IGSF3: variants seen among roughly 807,000 people sequenced by gnomAD.
IGSF3 encodes the protein glu-Trp-Ile EWI motif-containing protein 3.
IGSF3 carries 23 observed loss-of-function variants against 114.4 expected under a neutral mutation model. That is an observed-to-expected ratio of 0.20 (90% CI 0.14 to 0.28). IGSF3 has a LOEUF of 0.28. IGSF3 is among the 10% of genes least tolerant of loss of function. The pLI is 1.00. For synonymous variants in IGSF3, 571 were observed against 645.2 expected, an observed-to-expected ratio of 0.88 and a Z score of 1.74; for missense variants, 1,172 against 1,591.5, an observed-to-expected ratio of 0.74 and a Z score of 4.48.
rs374631608 is a variant in IGSF3 at position 116,598,471 on chromosome 1, G to A, written c.2029+1470C>T. On this transcript the variant is annotated intron_variant, in intron 7 of 10. Transcript: ENST00000369486. The surrounding 1 kb of genome is among the most constrained non-coding windows in gnomAD (Gnocchi z 4.3). Reference sequence around the variant, plus strand: ...TGTCATTGGCCAAGGGAACAGTCTCGTCATTTATACAACTCACTTGTTCCA... The same window carrying A: ...TGTCATTGGCCAAGGGAACAGTCTCATCATTTATACAACTCACTTGTTCCA... Among the ~76,000 whole-genome samples the A allele has an allele frequency of 9.9e-4, 151 of 152,284 alleles. No individual in the cohort carries two copies. Among genetic ancestry groups the A allele is most frequent in the Non-Finnish European group, 1.8e-3 (123 of 68,040 alleles).
rs575245619 is a variant in IGSF3, at chr1:116,594,993, C to G, written c.2029+4948G>C. Among the ~76,000 whole-genome samples the G allele has an allele frequency of 6.6e-6, 1 of 152,248 alleles. No individual in the cohort carries two copies. The highest frequency in any genetic ancestry group is 2.4e-5 in the African/African-American group (1 of 41,534). On this transcript the variant is annotated intron_variant, in intron 7 of 10. Coordinates refer to ENST00000369486, the MANE Select transcript of IGSF3 (RefSeq NM_001007237.3). The surrounding 1 kb of genome is among the most constrained non-coding windows in gnomAD (Gnocchi z 5.2). ...TCTCCTTTGTCCCTAGGCCTGCTGC[C>G]TCCCACAGAGCCCGCAAGGCAGGAA...
Position 116,598,344 on chromosome 1 carries a change from G to A in IGSF3, c.2029+1597C>T, listed in dbSNP as rs1293427416. 1.3e-5 allele frequency among the ~76,000 whole-genome samples: 2 copies of A among 152,126 alleles called. No individual in the cohort carries two copies. On this transcript the variant is annotated intron_variant, in intron 7 of 10. Coordinates refer to ENST00000369486, the MANE Select transcript of IGSF3 (RefSeq NM_001007237.3). This position sits in a 1 kb window ranked among gnomAD's most constrained non-coding sequence, Gnocchi z 4.3. ...TACCTCGACATTTTCCACAACAAGG[G>A]TTCACATAAAATGGGGTCTCTGCTT...
At chr1:116,630,270 G>A (rs937650091) in intron 2 of IGSF3, among the ~76,000 whole-genome samples, 2 of 152,218 alleles carry the variant, frequency 1.3e-5, no homozygotes, top group Non-Finnish European at 2.9e-5. Flanking sequence ...CAAGATCAGA[G>A]AAGCCTCTTT....
In IGSF3 at chr1:116,632,550, C is replaced by T. The variant is rs952853448; in HGVS notation, c.44-16093G>A. Among the ~76,000 whole-genome samples the T allele has an allele frequency of 7.9e-5, 12 of 152,342 alleles. No homozygotes were observed. Among genetic ancestry groups the T allele is most frequent in the African/African-American group, 2.6e-4 (11 of 41,578 alleles). On this transcript the variant is annotated intron_variant, in intron 2 of 10. Coordinates refer to ENST00000369486, the MANE Select transcript of IGSF3 (RefSeq NM_001007237.3). The surrounding 1 kb of genome is among the most constrained non-coding windows in gnomAD (Gnocchi z 5.1). Reference sequence around the variant, plus strand: ...AAACCTGGAAGGCAACAAATGGACACGTGCGTGCTGAAGGACTCGTGTTTA... The same window carrying T: ...AAACCTGGAAGGCAACAAATGGACATGTGCGTGCTGAAGGACTCGTGTTTA...
chr1:116,610,296 T>C lies in IGSF3; in HGVS notation c.833-1965A>G, dbSNP rs1660966676. ...TACCCTAGACCTCAGACCTTTCCGT[T>C]GCTCCAGGTTAGCCTGGCTGTAACT... On this transcript the variant is annotated intron_variant, in intron 4 of 10. Coordinates refer to ENST00000369486, the MANE Select transcript of IGSF3 (RefSeq NM_001007237.3). This position sits in a 1 kb window ranked among gnomAD's most constrained non-coding sequence, Gnocchi z 4.3. Among the ~76,000 whole-genome samples the C allele has an allele frequency of 6.6e-6, 1 of 152,192 alleles. No individual in the cohort carries two copies. The highest frequency in any genetic ancestry group is 1.5e-5 in the Non-Finnish European group (1 of 68,028).
chr1:116,635,736 A>T (rs563509307), intron 2 of IGSF3, among the ~76,000 whole-genome samples: 4 of 152,348 alleles, frequency 2.6e-5, no homozygotes, highest in Non-Finnish European at 5.9e-5. Context: ...ACATCTGGTT[A>T]TGGGGTCTCT....
chr1:116,661,097 T>C lies in IGSF3; in HGVS notation c.43+5187A>G, dbSNP rs1482339875. ...CACGAGGTCAGGAGTTTGAGACCAG[T>C]GTGGCCAACATAGTGAAGGCCCATC... On this transcript the variant is annotated intron_variant, in intron 2 of 10. Transcript: ENST00000369486. This position sits in a 1 kb window ranked among gnomAD's most constrained non-coding sequence, Gnocchi z 4.0. Among the ~76,000 whole-genome samples the C allele has an allele frequency of 6.6e-6, 1 of 152,068 alleles. No individual in the cohort carries two copies. The highest frequency in any genetic ancestry group is 1.5e-5 in the Non-Finnish European group (1 of 67,996).
chr1:116,623,559 G>A (rs555469360), intron 2 of IGSF3, among the ~76,000 whole-genome samples: 2 of 152,086 alleles, frequency 1.3e-5, no homozygotes, highest in Non-Finnish European at 2.9e-5. Context: ...GATGGCACAC[G>A]CTATCAGGAG....
chr1:116,590,115 A>T (rs1385033282), intron 7 of IGSF3, among the ~76,000 whole-genome samples: 3 of 152,166 alleles, frequency 2.0e-5, no homozygotes, highest in African/African-American at 7.2e-5. Flanking sequence ...CTGAGAAGAC[A>T]GTAAACCACG....
rs1659632546 is a variant in IGSF3 at position 116,582,243 on chromosome 1, C to G, written c.2849-2366G>C. Among the ~76,000 whole-genome samples, 1 of 152,214 alleles carries G rather than the reference C, an allele frequency of 6.6e-6. No individual in the cohort carries two copies. The highest frequency in any genetic ancestry group is 6.5e-5 in the Admixed American group (1 of 15,282). On this transcript the variant is annotated intron_variant, in intron 9 of 10. Coordinates refer to ENST00000369486, the MANE Select transcript of IGSF3 (RefSeq NM_001007237.3). This position sits in a 1 kb window ranked among gnomAD's most constrained non-coding sequence, Gnocchi z 4.7. Reference sequence around the variant, plus strand: ...CCCCCTTCTAGAATATGCCAACCCTCCTCCCTGTTTGGACTTAAATACTCT... The same window carrying G: ...CCCCCTTCTAGAATATGCCAACCCTGCTCCCTGTTTGGACTTAAATACTCT...
In IGSF3 at chr1:116,649,590, C is replaced by T. The variant is rs944988855; in HGVS notation, c.43+16694G>A. On this transcript the variant is annotated intron_variant, in intron 2 of 10. Transcript: ENST00000369486. The surrounding 1 kb of genome is among the most constrained non-coding windows in gnomAD (Gnocchi z 4.5). ...TCTTCACCAGTTAATTTATTACAAT[C>T]TTCCTTTGACAGCTTCACTCCCTCC... Among the ~76,000 whole-genome samples the T allele has an allele frequency of 2.6e-5, 4 of 152,214 alleles. No homozygotes were observed. The highest frequency in any genetic ancestry group is 9.7e-5 in the African/African-American group (4 of 41,448).
chr1:116,585,364 C>T lies in IGSF3; in HGVS notation c.2441-312G>A, dbSNP rs1338368623. 1.3e-5 allele frequency among the ~76,000 whole-genome samples: 2 copies of T among 152,234 alleles called. No homozygotes were observed. The highest frequency in any genetic ancestry group is 4.8e-5 in the African/African-American group (2 of 41,526). On this transcript the variant is annotated intron_variant, in intron 8 of 10. Transcript: ENST00000369486. This position sits in a 1 kb window ranked among gnomAD's most constrained non-coding sequence, Gnocchi z 4.9. Reference sequence around the variant, plus strand: ...GACTGCACATCCAAATGACAACGGACCACAAAACATGTCGCTGGCCGGGGC... The same window carrying T: ...GACTGCACATCCAAATGACAACGGATCACAAAACATGTCGCTGGCCGGGGC...
intron 10 of IGSF3, among the ~76,000 whole-genome samples, chr1:116,578,152 C>G (rs535461870): frequency 2.0e-5 from 3 of 152,174 alleles, no homozygotes; most frequent in Non-Finnish European, 4.4e-5. Context: ...ATAAACCAGG[C>G]GCCCCAAGAC....
At chr1:116,663,668 C>T (rs1226035784) in intron 2 of IGSF3, among the ~76,000 whole-genome samples, 30 of 152,100 alleles carry the variant, frequency 2.0e-4, no homozygotes, top group Non-Finnish European at 2.9e-5. Flanking sequence ...TGATTCCAAT[C>T]CCAGACACTG....
In IGSF3 at chr1:116,603,582, G is replaced by A. The variant is rs1405170621; in HGVS notation, c.1624+42C>T. On this transcript the variant is annotated intron_variant, in intron 6 of 10. Transcript: ENST00000369486. The surrounding 1 kb of genome is among the most constrained non-coding windows in gnomAD (Gnocchi z 7.1). ...GGATAAGGTGTTTGACACTGAAGCT[G>A]TCTCCATGCCAGACCCACTGCCAGT... 1.9e-6 allele frequency: 3 copies of A among 1,581,430 alleles called. No homozygotes were observed. Among genetic ancestry groups the A allele is most frequent in the South Asian group, 2.3e-5 (2 of 86,732 alleles).
At chr1:116,630,747 C>A (rs996694221) in intron 2 of IGSF3, among the ~76,000 whole-genome samples, 1 of 152,144 alleles carries the variant, frequency 6.6e-6, no homozygotes, top group African/African-American at 2.4e-5. Flanking sequence ...GTTCCATGGG[C>A]GTCAGGAAAG....
At chr1:116,581,895 A>T (rs1051104983) in intron 9 of IGSF3, among the ~76,000 whole-genome samples, 3 of 152,142 alleles carry the variant, frequency 2.0e-5, no homozygotes, top group African/African-American at 7.2e-5. Context: ...TCTCCTCCAG[A>T]GTCTAACATA....
At position 116,605,200 on chromosome 1, in the gene IGSF3, T is replaced by C. The variant is rs1318080390; in HGVS notation, c.1223-1175A>G. Among the ~76,000 whole-genome samples, 1 of 152,020 alleles carries C rather than the reference T, an allele frequency of 6.6e-6. No homozygotes were observed. The highest frequency in any genetic ancestry group is 1.5e-5 in the Non-Finnish European group (1 of 68,012). On this transcript the variant is annotated intron_variant, in intron 5 of 10. Transcript: ENST00000369486. The surrounding 1 kb of genome is among the most constrained non-coding windows in gnomAD (Gnocchi z 5.1). ...AATACATGCAATAATTTTAAACCAA[T>C]TAATTAAATCAAATCCCAGATTTTA...
rs966532946 is a variant in IGSF3, at chr1:116,576,145, A to G, written c.*1167T>C. On this transcript the variant is annotated 3_prime_UTR_variant, in exon 11 of 11. Coordinates refer to ENST00000369486, the MANE Select transcript of IGSF3 (RefSeq NM_001007237.3). This position sits in a 1 kb window ranked among gnomAD's most constrained non-coding sequence, Gnocchi z 4.6. ...TCTTCACACCTCCAGGGAGGTAGAT[A>G]TTTCTCTGCACTCTCCAACACCAGG... is the stretch of plus-strand genomic sequence containing the variant. 3.3e-5 allele frequency: 5 copies of G among 152,320 alleles called. No homozygotes were observed. Among genetic ancestry groups the G allele is most frequent in the Non-Finnish European group, 7.4e-5 (5 of 68,016 alleles). 9.4% of individuals were successfully genotyped at this position (152,320 alleles called of 1,614,324 possible).
Sources: gnomAD v4.1 joint callset for allele counts (sites outside exome capture counted in the v4.1 genomes callset) on GRCh38, gnomAD v4.1.1 for gene constraint, Gnocchi (gnomAD v3.1) non-coding constraint, MANE v1.5 for transcripts, NCBI Gene and HGNC (gene_info 2026-07-23, HGNC 2026-07-21) for gene names.